Variants in COG6 observed in about 807,000 individuals in gnomAD.
The protein encoded by COG6 is conserved oligomeric Golgi complex subunit 6.
COG6 carries 74 observed loss-of-function variants against 88.8 expected under a neutral mutation model. The ratio of observed to expected loss-of-function variants is 0.83; its 90% CI spans 0.69 to 1.01. The LOEUF (loss-of-function observed/expected upper bound fraction) is 1.01, where lower values mean the gene tolerates loss of function less well. Among genes scored for constraint, COG6 ranks in the 50% least tolerant of loss-of-function variants. COG6 has a pLI of 0.00. For missense variants in COG6, 800 were observed against 797.9 expected (o/e 1.00, Z -0.03); for synonymous variants, 286 against 278.7 (o/e 1.03, Z -0.26).
intron 13 of COG6, among the ~76,000 whole-genome samples, chr13:39,718,967 A>G (rs1413965952): frequency 6.6e-6 from 1 of 152,178 alleles, no homozygotes; most frequent in African/African-American, 2.4e-5. Flanking sequence ...ATGTAATTCT[A>G]CAATTCAATT....
At chr13:39,746,115 G>C (rs1471547062) in intron 18 of COG6, among the ~76,000 whole-genome samples, 2 of 151,970 alleles carry the variant, frequency 1.3e-5, no homozygotes, top group African/African-American at 4.8e-5. Context: ...ATAGCATTAG[G>C]AGAAATACCT....
intron 18 of COG6, among the ~76,000 whole-genome samples, chr13:39,734,743 A>G (rs1879642580): frequency 6.6e-6 from 1 of 152,188 alleles, no homozygotes; most frequent in Non-Finnish European, 1.5e-5. Context: ...CTCTCTCATT[A>G]TCTCTAATAA....
At chr13:39,720,728 A>G (rs999807840) in intron 15 of COG6, among the ~76,000 whole-genome samples, 2 of 151,986 alleles carry the variant, frequency 1.3e-5, no homozygotes, top group Admixed American at 6.6e-5. Context: ...TTCTTTTGGT[A>G]TTTATATTTG....
At chr13:39,683,158 A>G (rs1227913904) in intron 8 of COG6, among the ~76,000 whole-genome samples, 3 of 152,210 alleles carry the variant, frequency 2.0e-5, no homozygotes, top group African/African-American at 7.2e-5. Context: ...TTTAAATTCT[A>G]GAAACACAAC....
intron 18 of COG6, among the ~76,000 whole-genome samples, chr13:39,772,536 C>T (rs1010332673): frequency 6.6e-6 from 1 of 152,200 alleles, no homozygotes; most frequent in Non-Finnish European, 1.5e-5. Context: ...AGCCTCTGAA[C>T]ATCAGTTGAA....
At chr13:39,678,483 AT>A (rs1876108465) in intron 5 of COG6, among the ~76,000 whole-genome samples, 1 of 152,086 alleles carries the variant, frequency 6.6e-6, no homozygotes, top group Non-Finnish European at 1.5e-5. Flanking sequence ...CATCTAATTA[AT>A]TTTTTAAGCT....
intron 11 of COG6, among the ~76,000 whole-genome samples, chr13:39,691,602 T>G (rs963645965): frequency 6.6e-6 from 1 of 151,990 alleles, no homozygotes; most frequent in Non-Finnish European, 1.5e-5. Flanking sequence ...ATTAGCTTGA[T>G]AGTGATATGT....
rs140088268 is a variant in COG6, at chr13:39,702,793, A to G, written c.1284+3175A>G. ...CTATTTTGAAGACCTAGGAGAATCAACTAAAAAGCTATACAACCAGAAAAT... is the reference window on the plus strand; with the variant it reads ...CTATTTTGAAGACCTAGGAGAATCAGCTAAAAAGCTATACAACCAGAAAAT... On this transcript the variant is annotated intron_variant, in intron 13 of 18. Coordinates refer to ENST00000455146, the MANE Select transcript of COG6 (RefSeq NM_020751.3). 7.7e-3 allele frequency among the ~76,000 whole-genome samples: 1,174 copies of G among 152,238 alleles called. 24 individuals carry two copies. Among genetic ancestry groups the G allele is most frequent in the African/African-American group, 0.027 (1,105 of 41,552 alleles).
chr13:39,667,951 T>C (rs1875372286), intron 4 of COG6, among the ~76,000 whole-genome samples: 1 of 152,202 alleles, frequency 6.6e-6, no homozygotes, highest in Admixed American at 6.5e-5. Context: ...TAGGCAAATT[T>C]TGACTTAACG....
intron 18 of COG6, among the ~76,000 whole-genome samples, chr13:39,787,660 C>T (rs1881816498): frequency 1.3e-5 from 2 of 152,146 alleles, no homozygotes; most frequent in Non-Finnish European, 2.9e-5. Context: ...CACACACAAT[C>T]AGTTCTCTAT....
At chr13:39,719,568 T>C in intron 14 of COG6, 92 bp from the exon 15 acceptor site, 1 of 1,311,130 alleles carries the variant, frequency 7.6e-7, no homozygotes, top group East Asian at 2.3e-5. Flanking sequence ...ATAAATTGGC[T>C]TCCTTCCAAT....
intron 18 of COG6, among the ~76,000 whole-genome samples, chr13:39,770,134 C>T (rs1282661384): frequency 6.6e-6 from 1 of 152,194 alleles, no homozygotes; most frequent in Non-Finnish European, 1.5e-5. Flanking sequence ...GTTCATATCA[C>T]AAGTGGTAGG....
chr13:39,770,455 C>G (rs1881287501), intron 18 of COG6, among the ~76,000 whole-genome samples: 1 of 152,190 alleles, frequency 6.6e-6, no homozygotes, highest in African/African-American at 2.4e-5. Context: ...GATAAAGCAG[C>G]AACAGTAAGA....
At chr13:39,743,497 A>G (rs1880164623) in intron 18 of COG6, among the ~76,000 whole-genome samples, 1 of 152,344 alleles carries the variant, frequency 6.6e-6, no homozygotes. Context: ...TAATCTAGAA[A>G]ACCTAGAAGA....
chr13:39,678,093 G>A (rs1005247410), intron 5 of COG6: 3 of 445,266 alleles, frequency 6.7e-6, no homozygotes, highest in Middle Eastern at 7.0e-4. Flanking sequence ...TTGAGACAGG[G>A]TCTCGCTCTG....
At position 39,655,890 on chromosome 13, in the gene COG6, C is replaced by T. The variant is rs371609631; in HGVS notation, c.153+11C>T. 20 of 1,603,206 alleles carry T rather than the reference C, an allele frequency of 1.2e-5. No homozygotes were observed. The highest frequency in any genetic ancestry group is 1.7e-5 in the Non-Finnish European group (20 of 1,176,174). ...CTGGACAACGACAAGGTAACCGGGG[C>T]TGGCGGGGCCGGAGTCACAGGTTCC... On this transcript the variant is annotated intron_variant, in intron 1 of 18. Coordinates refer to ENST00000455146, the MANE Select transcript of COG6 (RefSeq NM_020751.3).
chr13:39,756,871 ATT>A (rs1486340102), downstream of COG6, among the ~76,000 whole-genome samples: 2 of 152,174 alleles, frequency 1.3e-5, no homozygotes, highest in Non-Finnish European at 2.9e-5. Flanking sequence ...GCCCTAAGTG[ATT>A]GCTCAACGGA....
exon 19 of COG6, chr13:39,789,856 T>A (rs1881890192): frequency 6.5e-6 from 1 of 153,094 alleles, no homozygotes; most frequent in Non-Finnish European, 1.5e-5. Context: ...TAAATTGCCT[T>A]GCTGAGAAGA....
At chr13:39,770,801 C>T (rs984690516) in intron 18 of COG6, among the ~76,000 whole-genome samples, 2 of 152,194 alleles carry the variant, frequency 1.3e-5, no homozygotes, top group South Asian at 4.1e-4. Context: ...AGATCACGGG[C>T]TTTCATTTCT....
Sources: gnomAD v4.1 joint callset for allele counts (sites outside exome capture counted in the v4.1 genomes callset) on GRCh38, gnomAD v4.1.1 for gene constraint, MANE v1.5 for transcripts, NCBI Gene and HGNC (gene_info 2026-07-23, HGNC 2026-07-21) for gene names.